The following PRKAG2 variants were observed in gnomAD, a reference collection of about 807,000 sequenced individuals.
The protein encoded by PRKAG2 is protein kinase AMP-activated non-catalytic subunit gamma 2.
Under a neutral mutation model 69.6 loss-of-function variants are expected in PRKAG2, and 26 were observed. The ratio of observed to expected loss-of-function variants is 0.37; its 90% CI spans 0.27 to 0.52. The LOEUF (loss-of-function observed/expected upper bound fraction) is 0.52. Among genes scored for constraint, PRKAG2 ranks in the 20% least tolerant of loss-of-function variants. The probability of loss-of-function intolerance (pLI) is 0.90; values close to 1 mark genes in which losing one functional copy is unlikely to be tolerated. For synonymous variants in PRKAG2, 293 were observed against 285.0 expected, an observed-to-expected ratio of 1.03 and a Z score of -0.28; for missense variants, 557 against 740.0, an observed-to-expected ratio of 0.75 and a Z score of 2.87.
chr7:151,791,360 G>A (rs1049559112), intron 1 of PRKAG2, among the ~76,000 whole-genome samples: 1 of 152,172 alleles, frequency 6.6e-6, no homozygotes, highest in Admixed American at 6.5e-5. Context: ...CCCCATTCCC[G>A]TGATTTCTAA....
chr7:151,696,147 T>G (rs1330546556), intron 3 of PRKAG2, among the ~76,000 whole-genome samples: 1 of 152,176 alleles, frequency 6.6e-6, no homozygotes, highest in Non-Finnish European at 1.5e-5. Context: ...CGGCCTTTGT[T>G]CTATTTCACC....
At chr7:151,625,666 G>A (rs1822666415) in intron 5 of PRKAG2, among the ~76,000 whole-genome samples, 1 of 152,190 alleles carries the variant, frequency 6.6e-6, no homozygotes, top group Non-Finnish European at 1.5e-5. Context: ...CAGCAGCAAG[G>A]AGCTGTTCTC....
At chr7:151,809,176 C>A in intron 1 of PRKAG2, 1 of 453,428 alleles carries the variant, frequency 2.2e-6, no homozygotes, top group Non-Finnish European at 4.4e-6. Flanking sequence ...TGGGTCTTGG[C>A]CTAATACTAA....
At chr7:151,631,966 G>GAAA in intron 5 of PRKAG2, 103 bp downstream of exon 5, 1 of 1,076,782 alleles carries the variant, frequency 9.3e-7, no homozygotes, top group Non-Finnish European at 1.2e-6. Flanking sequence ...GCAGCTCGCC[G>GAAA]TGGGGCAGCG....
chr7:151,722,600 G>A (rs1797297662), intron 3 of PRKAG2, among the ~76,000 whole-genome samples: 1 of 152,076 alleles, frequency 6.6e-6, no homozygotes, highest in African/African-American at 2.4e-5. Context: ...GGCGGGGGTA[G>A]GATCCTGTCT....
At chr7:151,659,835 C>T (rs1585564987) in intron 4 of PRKAG2, among the ~76,000 whole-genome samples, 2 of 152,198 alleles carry the variant, frequency 1.3e-5, no homozygotes, top group East Asian at 3.8e-4. Flanking sequence ...AGAAAAAATT[C>T]GGAATGGATT....
intron 3 of PRKAG2, among the ~76,000 whole-genome samples, chr7:151,698,196 G>A (rs900551980): frequency 6.6e-6 from 1 of 152,180 alleles, no homozygotes; most frequent in Non-Finnish European, 1.5e-5. Context: ...GGAACTAGGG[G>A]TTTGGTCCCC....
intron 3 of PRKAG2, among the ~76,000 whole-genome samples, chr7:151,718,430 G>A (rs543585779): frequency 6.6e-6 from 1 of 151,868 alleles, no homozygotes; most frequent in African/African-American, 2.4e-5. Flanking sequence ...GTATGAATTC[G>A]GGGGACACGA....
Position 151,632,132 on chromosome 7 carries a change from G to T in PRKAG2, c.691C>A (p.Leu231Met). Residue 231 changes from leucine to methionine, a missense_variant, in exon 5 of 16, where the codon CTG becomes ATG. By Grantham distance (15) the Leu-to-Met change is conservative (BLOSUM62 2). Around this residue, in one of 2 missense-constraint regions of PRKAG2, gnomAD observed 352 missense variants for 356.7 expected, o/e 0.99. Transcript: ENST00000287878. The surrounding 1 kb of genome is among the most constrained non-coding windows in gnomAD (Gnocchi z 4.2). ...THYAPSKAAA[L>M]AAALGPAEAG... Reference sequence around the variant, plus strand: ...TCCGCGGGTCCCAGGGCCGCCGCCAGCGCCGCCTGAGGGGGAGGAGGAGGA... The same window carrying T: ...TCCGCGGGTCCCAGGGCCGCCGCCATCGCCGCCTGAGGGGGAGGAGGAGGA... 7.1e-7 allele frequency: 1 copy of T among 1,405,194 alleles called. No individual in the cohort carries two copies. The highest frequency in any genetic ancestry group is 9.4e-7 in the Non-Finnish European group (1 of 1,065,980). The allele number at this position is 1,405,194 out of a possible 1,614,324, so 87.0% of individuals were successfully genotyped here. A position where few individuals can be genotyped will look rare whatever the true frequency, so the allele number is the denominator to read the frequency against.
intron 1 of PRKAG2, among the ~76,000 whole-genome samples, chr7:151,797,173 G>A (rs1434593897): frequency 1.3e-5 from 2 of 152,180 alleles, no homozygotes; most frequent in African/African-American, 4.8e-5. Context: ...CTGCTGCAGA[G>A]GCCCAAATGG....
chr7:151,866,599 C>T lies in PRKAG2; in HGVS notation c.114+9908G>A, dbSNP rs969252864. Among the ~76,000 whole-genome samples, 8 of 152,086 alleles carry T rather than the reference C, an allele frequency of 5.3e-5. No homozygotes were observed. The East Asian group carries it at 1.3e-3, about 26-fold the overall frequency. On this transcript the variant is annotated intron_variant, in intron 1 of 15. Coordinates refer to ENST00000287878, the MANE Select transcript of PRKAG2 (RefSeq NM_016203.4). ...ACCATGAATGCAACTCCCCATCAAG[C>T]GTATCTAGGTTGCATGGAGGAAGAA...
chr7:151,763,010 C>T (rs976359623), intron 3 of PRKAG2, among the ~76,000 whole-genome samples: 11 of 152,316 alleles, frequency 7.2e-5, no homozygotes, highest in Admixed American at 2.6e-4. Flanking sequence ...GCAGGGCTCC[C>T]GAGTCGTGAC....
At chr7:151,586,365 A>G (rs1811675684) in intron 6 of PRKAG2, among the ~76,000 whole-genome samples, 1 of 152,096 alleles carries the variant, frequency 6.6e-6, no homozygotes, top group African/African-American at 2.4e-5. Context: ...GACCGATTCC[A>G]TTCATTCATA....
At chr7:151,701,112 GC>G (rs973200257) in intron 3 of PRKAG2, among the ~76,000 whole-genome samples, 33 of 152,262 alleles carry the variant, frequency 2.2e-4, no homozygotes, top group African/African-American at 7.7e-4. Flanking sequence ...CTCAGGGGCT[GC>G]CCCCCAGGGA....
chr7:151,564,387 GC>G (rs1359690697), intron 13 of PRKAG2, 163 bp from the exon 14 acceptor site: 1 of 674,910 alleles, frequency 1.5e-6, no homozygotes, highest in African/African-American at 1.8e-5. Flanking sequence ...ACATGCCATT[GC>G]TACTGTTATT....
At chr7:151,827,745 TAAAAAAAAAAAAAAAAAAA>T (rs55685618) in intron 1 of PRKAG2, among the ~76,000 whole-genome samples, 11 of 52,258 alleles carry the variant, frequency 2.1e-4, no homozygotes, top group Middle Eastern at 0.023. Flanking sequence ...TGGCCTTAGG[TAAAAAAAAAAAAAAAAAAA>T]AAAAAAAAAA....
intron 4 of PRKAG2, among the ~76,000 whole-genome samples, chr7:151,653,588 T>C (rs1828896653): frequency 6.6e-6 from 1 of 152,214 alleles, no homozygotes; most frequent in Non-Finnish European, 1.5e-5. Flanking sequence ...ATGCCTCTAA[T>C]TCCAGCACTT....
At chr7:151,674,405 T>C (rs1206833276) in intron 4 of PRKAG2, among the ~76,000 whole-genome samples, 1 of 152,214 alleles carries the variant, frequency 6.6e-6, no homozygotes, top group Non-Finnish European at 1.5e-5. Flanking sequence ...CCCAGTGACA[T>C]GCGACACTAA....
intron 3 of PRKAG2, among the ~76,000 whole-genome samples, chr7:151,691,629 A>G (rs748902819): frequency 1.3e-5 from 2 of 152,206 alleles, no homozygotes; most frequent in African/African-American, 2.4e-5. Flanking sequence ...CACTACACCT[A>G]CTAGACCAGC....
Sources: allele counts gnomAD v4.1 joint callset (sites outside exome capture counted in the v4.1 genomes callset), GRCh38; gene constraint gnomAD v4.1.1; regional missense constraint gnomAD v4.1.1; non-coding constraint Gnocchi (gnomAD v3.1); transcripts MANE v1.5; gene names NCBI Gene and HGNC (gene_info 2026-07-23, HGNC 2026-07-21).